UBE2E1: variants seen among roughly 807,000 people sequenced by gnomAD.
UBE2E1 encodes ubiquitin-conjugating enzyme E2 E1.
UBE2E1 carries 6 observed loss-of-function variants against 21.4 expected under a neutral mutation model. The ratio of observed to expected loss-of-function variants is 0.28; its 90% CI spans 0.15 to 0.55. The LOEUF (loss-of-function observed/expected upper bound fraction) is 0.55. Among genes scored for constraint, UBE2E1 ranks in the 20% least tolerant of loss-of-function variants. The probability of loss-of-function intolerance (pLI) is 0.93; values close to 1 mark genes in which losing one functional copy is unlikely to be tolerated. For missense variants in UBE2E1, 142 were observed against 236.5 expected, an observed-to-expected ratio of 0.60 and a Z score of 2.62; for synonymous variants, 87 against 82.7, an observed-to-expected ratio of 1.05 and a Z score of -0.28.
At chr3:23,818,565 A>G (rs1408319097) in intron 3 of UBE2E1, among the ~76,000 whole-genome samples, 2 of 152,172 alleles carry the variant, frequency 1.3e-5, no homozygotes, top group Non-Finnish European at 2.9e-5. Flanking sequence ...GCAAAATTAC[A>G]CCATGTTTGC....
At chr3:23,834,887 T>G (rs778756906) in intron 3 of UBE2E1, among the ~76,000 whole-genome samples, 8 of 152,218 alleles carry the variant, frequency 5.3e-5, no homozygotes, top group Non-Finnish European at 1.2e-4. Context: ...TTGGAGGAAA[T>G]TTAAAACTAA....
chr3:23,874,820 C>A (rs1700881357), intron 3 of UBE2E1, among the ~76,000 whole-genome samples: 1 of 152,162 alleles, frequency 6.6e-6, no homozygotes, highest in South Asian at 2.1e-4. Context: ...TACTTTAATT[C>A]TAATCACTGC....
chr3:23,856,193 AT>A (rs948580386), intron 3 of UBE2E1, among the ~76,000 whole-genome samples: 1 of 151,564 alleles, frequency 6.6e-6, no homozygotes, highest in Non-Finnish European at 1.5e-5. Context: ...TGCCTTGCTA[AT>A]TTTTTTTGTA....
At chr3:23,871,193 T>C (rs1369065779) in intron 3 of UBE2E1, among the ~76,000 whole-genome samples, 4 of 151,516 alleles carry the variant, frequency 2.6e-5, no homozygotes, top group Non-Finnish European at 2.9e-5. Context: ...AGCTGTTGGG[T>C]ACACCTCCCA....
chr3:23,858,616 G>A (rs1160193427), intron 3 of UBE2E1, among the ~76,000 whole-genome samples: 3 of 152,050 alleles, frequency 2.0e-5, no homozygotes, highest in Non-Finnish European at 4.4e-5. Context: ...CACTGCGCCC[G>A]GCCAGGAACT....
chr3:23,830,388 A>G (rs1313861073), intron 3 of UBE2E1, among the ~76,000 whole-genome samples: 1 of 151,376 alleles, frequency 6.6e-6, no homozygotes, highest in African/African-American at 2.5e-5. Flanking sequence ...AAGGATTTTA[A>G]GAGTTATACC....
rs1230771843 is a variant in UBE2E1 at position 23,836,703 on chromosome 3, G to A, written c.203+25193G>A. Among the ~76,000 whole-genome samples, 1 of 152,182 alleles carries A rather than the reference G, an allele frequency of 6.6e-6. No individual in the cohort carries two copies. The highest frequency in any genetic ancestry group is 1.5e-5 in the Non-Finnish European group (1 of 68,030). ...AAATGGCTCAGCTGAGGACTGGTAT[G>A]GTTGGGATAGAACATGGGTCTTCTG... On this transcript the variant is annotated intron_variant, in intron 3 of 5. Transcript: ENST00000306627. This position sits in a 1 kb window ranked among gnomAD's most constrained non-coding sequence, Gnocchi z 4.1.
At chr3:23,877,667 G>A (rs1286255284) in intron 3 of UBE2E1, among the ~76,000 whole-genome samples, 1 of 152,058 alleles carries the variant, frequency 6.6e-6, no homozygotes, top group Non-Finnish European at 1.5e-5. Flanking sequence ...GTGTTTGGGG[G>A]GGTTTGTGAT....
At position 23,819,861 on chromosome 3, in the gene UBE2E1, C is replaced by T. The variant is rs187782826; in HGVS notation, c.203+8351C>T. On this transcript the variant is annotated intron_variant, in intron 3 of 5. Transcript: ENST00000306627. ...AAAGATGTGATCTCTGCTGCAGGCT[C>T]GATTGAGAAAAGATGTATTGGAGAA... Among the ~76,000 whole-genome samples, 130 of 152,126 alleles carry T rather than the reference C, an allele frequency of 8.5e-4. 1 individual carries two copies. Among genetic ancestry groups the T allele is most frequent in the African/African-American group, 2.8e-3 (116 of 41,486 alleles).
At chr3:23,855,177 CAA>C in intron 3 of UBE2E1, among the ~76,000 whole-genome samples, 1 of 152,284 alleles carries the variant, frequency 6.6e-6, no homozygotes, top group African/African-American at 2.4e-5. Context: ...AGGTAGATCT[CAA>C]AAGTGTCTTT....
chr3:23,811,391 C>T (rs143755079), intron 2 of UBE2E1, 69 bp from the exon 3 acceptor site: 7 of 1,464,342 alleles, frequency 4.8e-6, no homozygotes, highest in Non-Finnish European at 6.7e-6. Context: ...CAGACCTGCA[C>T]GCTACAGGTG....
chr3:23,885,302 T>A (rs1400796933), intron 3 of UBE2E1, among the ~76,000 whole-genome samples: 4 of 152,170 alleles, frequency 2.6e-5, no homozygotes, highest in African/African-American at 9.7e-5. Flanking sequence ...GATTAGGATT[T>A]CAACATAAAA....
chr3:23,841,916 G>C (rs944084388), intron 3 of UBE2E1, among the ~76,000 whole-genome samples: 2 of 152,124 alleles, frequency 1.3e-5, no homozygotes, highest in African/African-American at 4.8e-5. Context: ...TTAGGAGAGA[G>C]ATGAAGGTAT....
At chr3:23,861,144 C>A (rs949326682) in intron 3 of UBE2E1, among the ~76,000 whole-genome samples, 1 of 152,140 alleles carries the variant, frequency 6.6e-6, no homozygotes, top group Non-Finnish European at 1.5e-5. Flanking sequence ...GTGTTGATGC[C>A]TTCGGAGGAT....
At chr3:23,818,766 G>T (rs1163534379) in intron 3 of UBE2E1, among the ~76,000 whole-genome samples, 1 of 152,160 alleles carries the variant, frequency 6.6e-6, no homozygotes, top group Non-Finnish European at 1.5e-5. Context: ...GCACAAGATT[G>T]CTGAGATTGG....
chr3:23,859,208 G>C (rs72627033), intron 3 of UBE2E1, among the ~76,000 whole-genome samples: 1 of 152,112 alleles, frequency 6.6e-6, no homozygotes, highest in Non-Finnish European at 1.5e-5. Context: ...TGCTCTGCCC[G>C]TGGAAGCTGG....
intron 3 of UBE2E1, among the ~76,000 whole-genome samples, chr3:23,852,809 T>C (rs941781905): frequency 6.6e-6 from 1 of 152,112 alleles, no homozygotes; most frequent in Non-Finnish European, 1.5e-5. Flanking sequence ...CTCACCATGT[T>C]GCCCAGGCTG....
chr3:23,853,956 C>T lies in UBE2E1; in HGVS notation c.204-33611C>T, dbSNP rs140807103. On this transcript the variant is annotated intron_variant, in intron 3 of 5. Transcript: ENST00000306627. The surrounding 1 kb of genome is among the most constrained non-coding windows in gnomAD (Gnocchi z 4.1). ...GTGATAGGCTGACCCAAGCCCAGGC[C>T]CATCAGAATGCTTTATCTTGGTCAG... Among the ~76,000 whole-genome samples, 2 of 152,188 alleles carry T rather than the reference C, an allele frequency of 1.3e-5. No individual in the cohort carries two copies. The highest frequency in any genetic ancestry group is 3.9e-4 in the East Asian group (2 of 5,172).
intron 3 of UBE2E1, among the ~76,000 whole-genome samples, chr3:23,831,665 C>G (rs970712935): frequency 6.7e-6 from 1 of 149,372 alleles, no homozygotes; most frequent in Admixed American, 6.7e-5. Context: ...ACTACAGGCA[C>G]GTGCTACCAC....
Sources: gnomAD v4.1 joint callset for allele counts (sites outside exome capture counted in the v4.1 genomes callset) on GRCh38, gnomAD v4.1.1 for gene constraint, Gnocchi (gnomAD v3.1) non-coding constraint, MANE v1.5 for transcripts, NCBI Gene and HGNC (gene_info 2026-07-23, HGNC 2026-07-21) for gene names.